The following MYT1 variants were observed in gnomAD, a reference collection of about 807,000 sequenced individuals.
MYT1 encodes myelin transcription factor I.
In MYT1, 23 loss-of-function variants were observed where a neutral mutation model predicts 123.0. The ratio of observed to expected loss-of-function variants is 0.19; its 90% CI spans 0.13 to 0.26. The LOEUF is 0.26. Ranked by LOEUF, MYT1 falls within the 10% of genes least tolerant of loss-of-function variation. The pLI, the probability that MYT1 is intolerant of heterozygous loss-of-function variation, is 1.00. For synonymous variants in MYT1, 518 were observed against 575.3 expected, an observed-to-expected ratio of 0.90 and a Z score of 1.43; for missense variants, 1,125 against 1,472.5, an observed-to-expected ratio of 0.76 and a Z score of 3.86.
At chr20:64,224,955 C>CT (rs1214930674) in intron 16 of MYT1, among the ~76,000 whole-genome samples, 1 of 152,134 alleles carries the variant, frequency 6.6e-6, no homozygotes, top group Non-Finnish European at 1.5e-5. Context: ...AGAGTTAGTG[C>CT]TTTTTTAAGA....
At chr20:64,204,328 G>T (rs1053433220) in intron 4 of MYT1, among the ~76,000 whole-genome samples, 1 of 152,200 alleles carries the variant, frequency 6.6e-6, no homozygotes, top group Non-Finnish European at 1.5e-5. Context: ...TGCTTCTAGG[G>T]TGAGAGATGC....
intron 2 of MYT1, among the ~76,000 whole-genome samples, chr20:64,195,376 GTGT>G: frequency 9.6e-6 from 1 of 104,072 alleles, no homozygotes; most frequent in African/African-American, 4.0e-5. Flanking sequence ...GTGTGTGTGT[GTGT>G]GTGTGTGTGT....
chr20:64,188,089 CGAA>C (rs1982865406), intron 1 of MYT1, among the ~76,000 whole-genome samples: 2 of 152,186 alleles, frequency 1.3e-5, no homozygotes, highest in Admixed American at 1.3e-4. Flanking sequence ...ATGTGGGCAA[CGAA>C]GAATTCCACA....
In MYT1 at chr20:64,221,937, C is replaced by T. The variant is rs1984016661; in HGVS notation, c.2286C>T (p.Asp762=). 1.2e-6 allele frequency: 2 copies of T among 1,613,702 alleles called. No individual in the cohort carries two copies. The highest frequency in any genetic ancestry group is 1.7e-6 in the Non-Finnish European group (2 of 1,180,008). ...CTTTTGCTTCTTCTGAAGCAGATGA[C>T]CAGGAAGTGTCGGAAGAGAATTTTG... ...AHSFASSEAD[D]QEVSEENFEE... The change falls in exon 14 of 23, where the codon GAC becomes GAT. Residue 762 remains aspartate, a synonymous_variant. Coordinates refer to ENST00000328439, the MANE Select transcript of MYT1 (RefSeq NM_004535.3).
chr20:64,224,519 G>A (rs531126428), intron 16 of MYT1, among the ~76,000 whole-genome samples: 2 of 152,128 alleles, frequency 1.3e-5, no homozygotes, highest in African/African-American at 4.8e-5. Flanking sequence ...CCACAGAGTG[G>A]GGTGCAGCAT....
Position 64,219,805 on chromosome 20 carries a change from C to T in MYT1, c.2064C>T (p.Ser688=). The part of the protein sequence containing the change: ...KRENAFPSSS[S]CSSSPGVKSP... ...AAAATGCTTTCCCCAGCAGCAGCAGCTGCAGCAGCAGCCCCGGTGTGAAGT... is the reference window on the plus strand; with the variant it reads ...AAAATGCTTTCCCCAGCAGCAGCAGTTGCAGCAGCAGCCCCGGTGTGAAGT... Residue 688 remains serine (S), a synonymous_variant, in exon 13 of 23, where the codon AGC becomes AGT. Coordinates refer to ENST00000328439, the MANE Select transcript of MYT1 (RefSeq NM_004535.3). 1 of 1,613,960 alleles carries T rather than the reference C, an allele frequency of 6.2e-7. No individual in the cohort carries two copies. Among genetic ancestry groups the T allele is most frequent in the South Asian group, 1.1e-5 (1 of 91,030 alleles).
At chr20:64,220,617 A>G (rs1983972231) in intron 13 of MYT1, among the ~76,000 whole-genome samples, 1 of 152,254 alleles carries the variant, frequency 6.6e-6, no homozygotes. Flanking sequence ...TGTCCTGAAG[A>G]GCAAAGTCCA....
chr20:64,234,583 T>G (rs1984438214), intron 19 of MYT1, among the ~76,000 whole-genome samples: 1 of 149,792 alleles, frequency 6.7e-6, no homozygotes, highest in African/African-American at 2.5e-5. Flanking sequence ...ACCCGTAATG[T>G]GTGACCCTGG....
chr20:64,201,936 TGTCGGGAACCTCTGC>T lies in MYT1; in HGVS notation c.86+2017_86+2031del, dbSNP rs1568708074. Among the ~76,000 whole-genome samples, 837 of 140,990 alleles carry T rather than the reference TGTCGGGAACCTCTGC, an allele frequency of 5.9e-3. 23 individuals carry two copies. The highest frequency in any genetic ancestry group is 0.02 in the African/African-American group (782 of 39,758). The allele number at this position is 140,990 out of a possible 152,430, so 92.5% of individuals were successfully genotyped here. A position where few individuals can be genotyped will look rare whatever the true frequency, so the allele number is the denominator to read the frequency against. On this transcript the variant is annotated intron_variant, in intron 4 of 22. Coordinates refer to ENST00000328439, the MANE Select transcript of MYT1 (RefSeq NM_004535.3). ...CCCCCGCGTGTCGGGAACCCCCGCG[TGTCGGGAACCTCTGC>T]GTGTCGGGAACCCCCGCGTGTCGGG...
chr20:64,222,143 C>T (rs756102291), intron 14 of MYT1, 96 bp downstream of exon 14: 12 of 1,421,464 alleles, frequency 8.4e-6, no homozygotes, highest in Non-Finnish European at 1.2e-5. Context: ...CGGGTCTGCT[C>T]AGGCTTTCCC....
chr20:64,210,889 C>T (rs1040088940), intron 7 of MYT1, among the ~76,000 whole-genome samples: 1 of 152,226 alleles, frequency 6.6e-6, no homozygotes, highest in Non-Finnish European at 1.5e-5. Context: ...GAAGGCTGAC[C>T]CATGAGGCCT....
intron 4 of MYT1, among the ~76,000 whole-genome samples, chr20:64,204,079 C>G (rs890382098): frequency 5.3e-5 from 8 of 152,224 alleles, no homozygotes; most frequent in African/African-American, 1.7e-4. Context: ...TCCTTGTAGT[C>G]CTTGAGCCGT....
In MYT1 at chr20:64,205,544, C is replaced by G. The variant is rs1161727462; in HGVS notation, c.150-9C>G. ...CTGGTCCTCTCCACTGCCTACTCCT[C>G]CCTCCCAGTTTACAGAGCTGCCCCC... is the stretch of plus-strand genomic sequence containing the variant. On this transcript the variant is annotated splice_polypyrimidine_tract_variant and intron_variant, in intron 5 of 22. Transcript: ENST00000328439. The G allele has an allele frequency of 1.2e-5, 19 of 1,613,512 alleles. No homozygotes were observed. Among genetic ancestry groups the G allele is most frequent in the Non-Finnish European group, 1.5e-5 (18 of 1,179,808 alleles).
intron 1 of MYT1, among the ~76,000 whole-genome samples, chr20:64,173,333 C>T (rs571256861): frequency 7.2e-5 from 11 of 152,226 alleles, no homozygotes; most frequent in Admixed American, 3.3e-4. Context: ...TGGACAGGTG[C>T]GGCTGATAGA....
chr20:64,171,111 G>T (rs561936942), intron 1 of MYT1, among the ~76,000 whole-genome samples: 77 of 150,188 alleles, frequency 5.1e-4, no homozygotes, highest in African/African-American at 1.9e-3. Flanking sequence ...CAGAGATGGG[G>T]TTTTGCCATG....
chr20:64,167,586 A>G lies in MYT1; in HGVS notation c.-99+2847A>G, dbSNP rs1460360370. ...AGCCAGACTTTCATGTTACTCAGGC[A>G]TCTTGAAGAGTGGATGCTCTGCCTG... On this transcript the variant is annotated intron_variant, in intron 1 of 22. Transcript: ENST00000328439. This position sits in a 1 kb window ranked among gnomAD's most constrained non-coding sequence, Gnocchi z 6.3. Among the ~76,000 whole-genome samples, 2 of 152,150 alleles carry G rather than the reference A, an allele frequency of 1.3e-5. No homozygotes were observed. The highest frequency in any genetic ancestry group is 2.9e-5 in the Non-Finnish European group (2 of 68,032).
At chr20:64,194,043 C>T (rs920482022) in intron 2 of MYT1, among the ~76,000 whole-genome samples, 10 of 152,184 alleles carry the variant, frequency 6.6e-5, no homozygotes, top group Admixed American at 1.3e-4. Context: ...TCCACACACC[C>T]CAGCCCCAGG....
chr20:64,239,781 C>G lies in MYT1; in HGVS notation c.3115C>G (p.Leu1039Val), dbSNP rs1159318473. 3 of 1,613,970 alleles carry G rather than the reference C, an allele frequency of 1.9e-6. No homozygotes were observed. In the Admixed American group the frequency reaches 5.0e-5, roughly 27 times the overall value. Residue 1039 changes from leucine to valine, a missense_variant, in exon 22 of 23, where the codon CTG becomes GTG. Physicochemically the swap from Leu to Val is conservative, Grantham distance 32 (BLOSUM62 1). Transcript: ENST00000328439. ...ACAGATCTCCTCCATGGAGAAGAAC[C>G]TGAAGAACATCGAGGAGGAGAACAA... is the stretch of plus-strand genomic sequence containing the variant. ...QSQISSMEKN[L>V]KNIEEENKLI...
chr20:64,230,328 C>T (rs1984281802), intron 18 of MYT1, among the ~76,000 whole-genome samples: 1 of 152,038 alleles, frequency 6.6e-6, no homozygotes, highest in South Asian at 2.1e-4. Flanking sequence ...GCCCGGCCAA[C>T]ATGGTGAAAC....
Sources: gnomAD v4.1 joint callset for allele counts (sites outside exome capture counted in the v4.1 genomes callset) on GRCh38, gnomAD v4.1.1 for gene constraint, Gnocchi (gnomAD v3.1) non-coding constraint, MANE v1.5 for transcripts, NCBI Gene and HGNC (gene_info 2026-07-23, HGNC 2026-07-21) for gene names.